The following CCNJL variants were observed in gnomAD, a reference collection of about 807,000 sequenced individuals.
CCNJL encodes the protein cyclin-J-like protein.
CCNJL carries 33 observed loss-of-function variants against 33.4 expected under a neutral mutation model. That is an observed-to-expected ratio of 0.99 (90% confidence interval 0.75 to 1.32). The LOEUF (loss-of-function observed/expected upper bound fraction) is 1.32, where lower values mean the gene tolerates loss of function less well. Ranked by LOEUF, CCNJL falls within the 40% of genes most tolerant of loss-of-function variation. CCNJL has a pLI of 0.00. For synonymous variants in CCNJL, 227 were observed against 220.9 expected (o/e 1.03, Z -0.24); for missense variants, 512 against 499.7 (o/e 1.02, Z -0.23).
chr5:160,270,014 A>T (rs1761767514), intron 3 of CCNJL, among the ~76,000 whole-genome samples: 1 of 152,214 alleles, frequency 6.6e-6, no homozygotes, highest in African/African-American at 2.4e-5. Context: ...AATTCAGAAC[A>T]CTGTGTGACA....
chr5:160,258,465 G>A, intron 4 of CCNJL: 2 of 1,169,524 alleles, frequency 1.7e-6, no homozygotes, highest in South Asian at 1.2e-5. Context: ...ACCTGTCCAT[G>A]AAGCATCAGA....
intron 1 of CCNJL, among the ~76,000 whole-genome samples, chr5:160,329,257 T>G (rs547731369): frequency 5.3e-5 from 8 of 152,114 alleles, no homozygotes; most frequent in Non-Finnish European, 8.8e-5. Context: ...CAAACTAAAC[T>G]TAGAAACAGG....
chr5:160,266,795 A>G (rs1329561709), intron 3 of CCNJL, among the ~76,000 whole-genome samples: 1 of 152,228 alleles, frequency 6.6e-6, no homozygotes, highest in Non-Finnish European at 1.5e-5. Context: ...AAAAGGCCCA[A>G]CAAAAGGCTC....
chr5:160,289,955 CCAAGAGAACCATACCTATCACTGCT>C (rs1762529443), intron 2 of CCNJL, among the ~76,000 whole-genome samples: 1 of 152,196 alleles, frequency 6.6e-6, no homozygotes, highest in Non-Finnish European at 1.5e-5. Context: ...GAGACTGCCC[CCAAGAGAACCATACCTATCACTGCT>C]GCATAGCCGG....
Position 160,249,764 on chromosome 5 carries a change from A to AT in CCNJL, c.*3613_*3614insA, listed in dbSNP as rs1465133159. 4.3e-5 allele frequency: 6 copies of AT among 138,328 alleles called. No individual in the cohort carries two copies. Among genetic ancestry groups the AT allele is most frequent in the Non-Finnish European group, 7.6e-5 (5 of 66,190 alleles). The allele number at this position is 138,328 out of a possible 1,614,324, so 8.6% of individuals were successfully genotyped here. On this transcript the variant is annotated 3_prime_UTR_variant, in exon 6 of 6. Transcript: ENST00000257536. Reference sequence around the variant, plus strand: ...GGCCACAGAGTGAGACCCTGTTTCAAAAAATAAATAAATAAATAAATAAAT... The same window carrying AT: ...GGCCACAGAGTGAGACCCTGTTTCAATAAAATAAATAAATAAATAAATAAAT...
chr5:160,282,380 C>A (rs1762244496), intron 2 of CCNJL, among the ~76,000 whole-genome samples: 3 of 152,152 alleles, frequency 2.0e-5, no homozygotes, highest in Admixed American at 6.5e-5. Context: ...AGGGGGAAAT[C>A]TTTAATGGCC....
chr5:160,313,426 A>G (rs1763335619), upstream of CCNJL, among the ~76,000 whole-genome samples: 1 of 152,322 alleles, frequency 6.6e-6, no homozygotes, highest in Non-Finnish European at 1.5e-5. Flanking sequence ...AAATTAAAGG[A>G]GATAATGCGT....
In CCNJL at chr5:160,253,582, G is replaced by C; in HGVS notation, c.960C>G (p.Ser320Arg). The C allele has an allele frequency of 6.2e-7, 1 of 1,614,114 alleles. No homozygotes were observed. Among genetic ancestry groups the C allele is most frequent in the Non-Finnish European group, 8.5e-7 (1 of 1,180,004 alleles). Residue 320 changes from serine (S) to arginine (R), a missense_variant, in exon 6 of 6, where the codon AGC becomes AGG. Physicochemically the swap from Ser to Arg is moderately radical, Grantham distance 110. Coordinates refer to ENST00000257536, the MANE Select transcript of CCNJL (RefSeq NM_001308173.3). ...RDSLQAHRSG[S>R]LLSGSTGSSL... ...ATGAGCCTGTACTCCCCGAGAGCAG[G>C]CTCCCTGAACGGTGGGCCTGCAAGG...
At chr5:160,326,818 C>A (rs547990850) in intron 1 of CCNJL, 6 of 812,312 alleles carry the variant, frequency 7.4e-6, no homozygotes, top group Non-Finnish European at 1.3e-5. Context: ...AGTGAATATG[C>A]GGATAGAAGG....
At chr5:160,288,829 TAAAAAAAAAAA>T (rs33916362) in intron 2 of CCNJL, among the ~76,000 whole-genome samples, 7 of 89,542 alleles carry the variant, frequency 7.8e-5, no homozygotes, top group African/African-American at 1.2e-4. Context: ...AGACTCTGTC[TAAAAAAAAAAA>T]AAAAAAAAAA....
At chr5:160,317,504 G>C (rs1006344406), upstream of CCNJL, among the ~76,000 whole-genome samples, 1 of 152,142 alleles carries the variant, frequency 6.6e-6, no homozygotes, top group Non-Finnish European at 1.5e-5. Flanking sequence ...AGTGTCTGCT[G>C]TTCCGTTCTC....
rs551226057 is a variant in CCNJL, at chr5:160,267,742, T to C, written c.281-7971A>G. The stretch of plus-strand genomic sequence containing the variant: ...AAATTTTTAAAAATTGTTTACTTGT[T>C]GAAGAGATAGTGTCTCACTATGTTG... On this transcript the variant is annotated intron_variant, in intron 3 of 5. Transcript: ENST00000257536. 9.8e-5 allele frequency among the ~76,000 whole-genome samples: 15 copies of C among 152,330 alleles called. 1 individual carries two copies. The South Asian group carries it at 3.1e-3, about 32-fold the overall frequency.
Position 160,280,640 on chromosome 5 carries a change from GAGCTGGCAGTGGCTGCTC to G in CCNJL, c.147_164del (p.Ser50_Leu55del), listed in dbSNP as rs1762177794. 1 of 1,613,458 alleles carries G rather than the reference GAGCTGGCAGTGGCTGCTC, an allele frequency of 6.2e-7. No homozygotes were observed. The highest frequency in any genetic ancestry group is 8.5e-7 in the Non-Finnish European group (1 of 1,179,914). ...CGGCCAGGTGCCGGGCTGCAGGGCA[GAGCTGGCAGTGGCTGCTC>G]AGCAGGGTCAGGATGTCCACGAAGA... On this transcript the variant is annotated inframe_deletion, in exon 3 of 6. Coordinates refer to ENST00000257536, the MANE Select transcript of CCNJL (RefSeq NM_001308173.3).
Position 160,321,008 on chromosome 5 carries a change from CTCTCTCTTTCTTTCTTTCTTTCTTTCTT to C in CCNJL, n.207-5531_207-5504del, listed in dbSNP as rs1182036429. The stretch of plus-strand genomic sequence containing the variant: ...TCTCTTTCTTTCTTTCTCTCTCTCT[CTCTCTCTTTCTTTCTTTCTTTCTTTCTT>C]TCTTTCTTTCTTTCTTTCTTTCTTT... On this transcript the variant is annotated intron_variant and non_coding_transcript_variant, in intron 1 of 7. Transcript: ENST00000377503. Among the ~76,000 whole-genome samples the C allele has an allele frequency of 5.2e-3, 519 of 100,146 alleles. 24 individuals are homozygous for C. The highest frequency in any genetic ancestry group is 0.024 in the East Asian group (87 of 3,686). The allele number at this position is 100,146 out of a possible 152,430, so 65.7% of individuals were successfully genotyped here.
intron 1 of CCNJL, chr5:160,326,570 C>A: frequency 2.2e-6 from 1 of 463,128 alleles, no homozygotes; most frequent in Non-Finnish European, 4.1e-6. Flanking sequence ...ATTACACTGC[C>A]AATATAAATT....
chr5:160,290,567 C>G (rs1219232464), intron 2 of CCNJL, among the ~76,000 whole-genome samples: 1 of 152,092 alleles, frequency 6.6e-6, no homozygotes, highest in African/African-American at 2.4e-5. Context: ...CATGCCTGGC[C>G]TAAAAGTCAC....
intron 2 of CCNJL, among the ~76,000 whole-genome samples, chr5:160,307,236 G>A (rs1438138588): frequency 1.3e-5 from 2 of 152,214 alleles, no homozygotes; most frequent in African/African-American, 2.4e-5. Flanking sequence ...CTCAGACACT[G>A]GTCTGGGAAT....
intron 2 of CCNJL, among the ~76,000 whole-genome samples, chr5:160,282,605 CAAT>C (rs1232705696): frequency 2.6e-5 from 4 of 151,926 alleles, no homozygotes; most frequent in Non-Finnish European, 5.9e-5. Context: ...TACAGCTCAA[CAAT>C]AAAAAGGCAA....
chr5:160,253,775 T>C lies in CCNJL; in HGVS notation c.767A>G (p.Asp256Gly). The C allele has an allele frequency of 6.6e-7, 1 of 1,523,678 alleles. No homozygotes were observed. The highest frequency in any genetic ancestry group is 1.3e-5 in the South Asian group (1 of 78,600). 94.4% of individuals were successfully genotyped at this position (1,523,678 alleles called of 1,614,324 possible). Residue 256 changes from aspartate (D) to glycine (G), a missense_variant, in exon 6 of 6, where the codon GAT (aspartate) becomes GGT (glycine). Coordinates refer to ENST00000257536, the MANE Select transcript of CCNJL (RefSeq NM_001308173.3). ...GGCCTGGCTCTTGACGGCTACGGCA[T>C]CCTTGAGGACGTTGTCATACACTCT... ...LLVVYDNVLK[D>G]AVAVKSQALA... is the part of the protein sequence containing the mutation.
Sources: gnomAD v4.1 joint callset for allele counts (sites outside exome capture counted in the v4.1 genomes callset) on GRCh38, gnomAD v4.1.1 for gene constraint, MANE v1.5 for transcripts, NCBI Gene and HGNC (gene_info 2026-07-23, HGNC 2026-07-21) for gene names.